Variants in RSU1 observed in about 807,000 individuals in gnomAD.
RSU1 encodes Ras suppressor protein 1, also known as rsu-1.
Under a neutral mutation model 31.1 loss-of-function variants are expected in RSU1, and 26 were observed. That is an observed-to-expected ratio of 0.84 (90% CI 0.61 to 1.16). RSU1 has a LOEUF of 1.16. Among genes scored for constraint, RSU1 ranks in the 50% most tolerant of loss-of-function variants. The probability of loss-of-function intolerance (pLI) is 0.00; values close to 1 mark genes in which losing one functional copy is unlikely to be tolerated. For missense variants in RSU1, 320 were observed against 339.1 expected, an observed-to-expected ratio of 0.94 and a Z score of 0.44; for synonymous variants, 164 against 136.3, an observed-to-expected ratio of 1.20 and a Z score of -1.41.
At chr10:16,783,002 C>G (rs1837688761) in intron 2 of RSU1, among the ~76,000 whole-genome samples, 1 of 151,900 alleles carries the variant, frequency 6.6e-6, no homozygotes, top group South Asian at 2.1e-4. Context: ...CCTCCGCCTC[C>G]CAGGTTCAAA....
intron 3 of RSU1, among the ~76,000 whole-genome samples, chr10:16,772,132 T>G (rs770146648): frequency 1.3e-5 from 2 of 152,156 alleles, no homozygotes; most frequent in Non-Finnish European, 2.9e-5. Context: ...GGCCCTACTC[T>G]TTCACCAGCA....
chr10:16,701,687 C>T (rs532132311), intron 7 of RSU1, among the ~76,000 whole-genome samples: 1 of 152,108 alleles, frequency 6.6e-6, no homozygotes, highest in Non-Finnish European at 1.5e-5. Flanking sequence ...CCAACACAAG[C>T]AGCACCTGAT....
intron 2 of RSU1, among the ~76,000 whole-genome samples, chr10:16,787,243 C>G (rs555925387): frequency 3.9e-5 from 6 of 152,270 alleles, no homozygotes; most frequent in East Asian, 3.9e-4. Flanking sequence ...TAAGTCTTCA[C>G]GTGAGCAGGT....
chr10:16,757,017 TGTGTGTACGCA>T (rs970555381), intron 4 of RSU1, among the ~76,000 whole-genome samples: 11 of 148,786 alleles, frequency 7.4e-5, no homozygotes, highest in African/African-American at 2.7e-4. Context: ...TGTGGTGGTG[TGTGTGTACGCA>T]GTGTGTGTGT....
At chr10:16,739,317 T>C (rs1469409146) in intron 7 of RSU1, among the ~76,000 whole-genome samples, 1 of 152,102 alleles carries the variant, frequency 6.6e-6, no homozygotes, top group Non-Finnish European at 1.5e-5. Context: ...AACTAATTTA[T>C]ACTCCCACCA....
chr10:16,593,325 A>AG lies in RSU1; in HGVS notation c.*68_*69insC. The AG allele has an allele frequency of 6.2e-7, 1 of 1,604,452 alleles. No individual in the cohort carries two copies. Among genetic ancestry groups the AG allele is most frequent in the Non-Finnish European group, 8.5e-7 (1 of 1,174,752 alleles). On this transcript the variant is annotated 3_prime_UTR_variant, in exon 9 of 9. Transcript: ENST00000345264. The stretch of plus-strand genomic sequence containing the variant: ...ACGCAGCATTGGGTTTATTTGAGAG[A>AG]CAGGGCAAGAGAGAATGAAGTGTTG...
intron 2 of RSU1, among the ~76,000 whole-genome samples, chr10:16,813,880 T>C (rs1163740326): frequency 2.6e-5 from 4 of 152,222 alleles, no homozygotes; most frequent in African/African-American, 9.6e-5. Context: ...TAAAGGTAAT[T>C]TGCTGTCTCT....
rs576771147 is a variant in RSU1, at chr10:16,794,689, G to C, written c.110-12605C>G. 2.6e-4 allele frequency among the ~76,000 whole-genome samples: 39 copies of C among 152,266 alleles called. No individual in the cohort carries two copies. In the East Asian group the frequency reaches 7.5e-3, roughly 29 times the overall value. On this transcript the variant is annotated intron_variant, in intron 2 of 8. Coordinates refer to ENST00000345264, the MANE Select transcript of RSU1 (RefSeq NM_012425.4). ...CAGAATCAGAACAGAGTACAATCAA[G>C]GTTTCCAGATTCTAAATCTTGAGCT...
chr10:16,696,497 G>A (rs1256701142), intron 7 of RSU1, among the ~76,000 whole-genome samples: 1 of 152,046 alleles, frequency 6.6e-6, no homozygotes, highest in African/African-American at 2.4e-5. Context: ...AAAGAAAAAC[G>A]ACTACAATTT....
intron 8 of RSU1, among the ~76,000 whole-genome samples, chr10:16,606,031 G>A (rs1042630227): frequency 1.3e-5 from 2 of 152,118 alleles, no homozygotes; most frequent in East Asian, 3.9e-4. Flanking sequence ...GGGATTACAG[G>A]CACACCTTGC....
chr10:16,769,516 T>G (rs918416887), intron 3 of RSU1, among the ~76,000 whole-genome samples: 2 of 152,110 alleles, frequency 1.3e-5, no homozygotes, highest in African/African-American at 2.4e-5. Flanking sequence ...TGGCAGTGGG[T>G]CTCAAACCAC....
At chr10:16,807,139 T>C (rs1838289604) in intron 2 of RSU1, among the ~76,000 whole-genome samples, 1 of 152,192 alleles carries the variant, frequency 6.6e-6, no homozygotes, top group Admixed American at 6.5e-5. Context: ...ATTCAAACAC[T>C]GAGATTGCAA....
chr10:16,678,277 C>G (rs1835268945), intron 8 of RSU1, among the ~76,000 whole-genome samples: 1 of 152,158 alleles, frequency 6.6e-6, no homozygotes, highest in East Asian at 1.9e-4. Context: ...CAAGGAAAAA[C>G]AGACTGCCAC....
intron 8 of RSU1, among the ~76,000 whole-genome samples, chr10:16,682,932 C>G (rs1375272356): frequency 1.3e-5 from 2 of 152,150 alleles, no homozygotes; most frequent in Non-Finnish European, 2.9e-5. Context: ...GGAACCCTCC[C>G]TTCATGAATT....
chr10:16,737,402 G>C (rs1253055275), intron 7 of RSU1, among the ~76,000 whole-genome samples: 1 of 151,210 alleles, frequency 6.6e-6, no homozygotes, highest in Non-Finnish European at 1.5e-5. Flanking sequence ...ATGTAAGAAA[G>C]ACACTAAAAC....
chr10:16,714,533 T>C (rs1588487967), intron 7 of RSU1, among the ~76,000 whole-genome samples: 1 of 152,208 alleles, frequency 6.6e-6, no homozygotes, highest in African/African-American at 2.4e-5. Context: ...ATGGTGCAGG[T>C]ACGTGCAGGA....
intron 8 of RSU1, among the ~76,000 whole-genome samples, chr10:16,600,589 C>T (rs1184655821): frequency 6.8e-6 from 1 of 147,728 alleles, no homozygotes; most frequent in African/African-American, 2.5e-5. Context: ...GTTTTTGAGA[C>T]AGGGTCTTGC....
At position 16,817,239 on chromosome 10, in the gene RSU1, T is replaced by TGGAGTAGGGCAGG. The variant is rs1554777743; in HGVS notation, c.-4+75_-4+76insCCTGCCCTACTCC. The TGGAGTAGGGCAGG allele has an allele frequency of 9.9e-6, 6 of 607,116 alleles. No homozygotes were observed. In the Admixed American group the frequency reaches 1.0e-4, roughly 10 times the overall value. The allele number at this position is 607,116 out of a possible 1,614,324, so 37.6% of individuals were successfully genotyped here. Reference sequence around the variant, plus strand: ...GGCTGGTCCGGGTGCGGGGAGGGGATGGAGTGGGAAGGGTTCAGCCCCGCT... The same window carrying TGGAGTAGGGCAGG: ...GGCTGGTCCGGGTGCGGGGAGGGGATGGAGTAGGGCAGGGGAGTGGGAAGGGTTCAGCCCCGCT... On this transcript the variant is annotated intron_variant, in intron 1 of 8. Transcript: ENST00000345264.
rs145623694 is a variant in RSU1 at position 16,792,406 on chromosome 10, T to C, written c.110-10322A>G. ...CACCACCACAACTGGCTAATTTTTG[T>C]ATTTTTAATAGAGACGGGGTTTCAT... On this transcript the variant is annotated intron_variant, in intron 2 of 8. Transcript: ENST00000345264. Among the ~76,000 whole-genome samples, 467 of 152,308 alleles carry C rather than the reference T, an allele frequency of 3.1e-3. 1 individual carries two copies. Among genetic ancestry groups the C allele is most frequent in the Non-Finnish European group, 4.7e-3 (320 of 68,038 alleles).
Sources: gnomAD v4.1 joint callset for allele counts (sites outside exome capture counted in the v4.1 genomes callset) on GRCh38, gnomAD v4.1.1 for gene constraint, MANE v1.5 for transcripts, NCBI Gene and HGNC (gene_info 2026-07-23, HGNC 2026-07-21) for gene names.